ANKRD44: variants seen among roughly 807,000 people sequenced by gnomAD.
ANKRD44 encodes the protein serine/threonine-protein phosphatase 6 regulatory ankyrin repeat subunit B.
A neutral mutation model predicts 116.0 loss-of-function variants in ANKRD44; 35 were observed. That is an observed-to-expected ratio of 0.30 (90% CI 0.23 to 0.40). The LOEUF is 0.40. Ranked by LOEUF, ANKRD44 falls within the 10% of genes least tolerant of loss-of-function variation. The probability of loss-of-function intolerance (pLI) is 1.00; values close to 1 mark genes in which losing one functional copy is unlikely to be tolerated. For missense variants in ANKRD44, 1,014 were observed against 1,242.6 expected, an observed-to-expected ratio of 0.82 and a Z score of 2.77; for synonymous variants, 435 against 461.8, an observed-to-expected ratio of 0.94 and a Z score of 0.74.
intron 16 of ANKRD44, among the ~76,000 whole-genome samples, chr2:197,038,924 G>T (rs994039217): frequency 6.6e-6 from 1 of 152,104 alleles, no homozygotes; most frequent in Non-Finnish European, 1.5e-5. Context: ...GCAAAGAATT[G>T]CTGCAGAAGC....
At chr2:197,022,910 C>A (rs2076524191) in intron 17 of ANKRD44, among the ~76,000 whole-genome samples, 1 of 152,222 alleles carries the variant, frequency 6.6e-6, no homozygotes, top group Non-Finnish European at 1.5e-5. Flanking sequence ...TTCTCTGTAG[C>A]ACCTGCAGCA....
intron 16 of ANKRD44, chr2:197,029,496 G>A: frequency 2.1e-6 from 1 of 466,576 alleles, no homozygotes. Flanking sequence ...TTTATGCCTA[G>A]TGCCATATAA....
chr2:197,052,124 G>A (rs72924635), intron 16 of ANKRD44, among the ~76,000 whole-genome samples: 32 of 152,240 alleles, frequency 2.1e-4, no homozygotes, highest in Non-Finnish European at 3.4e-4. Context: ...TAGTCAACAT[G>A]GACCCACTGG....
intron 25 of ANKRD44, among the ~76,000 whole-genome samples, chr2:196,997,113 T>G (rs950702503): frequency 2.6e-5 from 4 of 151,962 alleles, no homozygotes; most frequent in African/African-American, 4.8e-5. Context: ...CACTCAGATT[T>G]TTGGATTTGG....
chr2:197,227,512 C>G (rs191936786), intron 1 of ANKRD44, among the ~76,000 whole-genome samples: 74 of 152,160 alleles, frequency 4.9e-4, no homozygotes, highest in Non-Finnish European at 3.8e-4. Flanking sequence ...CCTCAAGGGC[C>G]ATCTCCTTTG....
chr2:197,223,697 C>T (rs1196110372), intron 1 of ANKRD44, among the ~76,000 whole-genome samples: 1 of 152,178 alleles, frequency 6.6e-6, no homozygotes, highest in African/African-American at 2.4e-5. Context: ...GGGGTGTGCA[C>T]AGCTTCAACC....
chr2:196,984,018 C>T (rs1250124072), downstream of ANKRD44, among the ~76,000 whole-genome samples: 1 of 152,232 alleles, frequency 6.6e-6, no homozygotes, highest in Non-Finnish European at 1.5e-5. Context: ...CTCAGCATTG[C>T]CTTCCAAAGT....
At chr2:197,070,103 C>T (rs2077527209) in intron 16 of ANKRD44, among the ~76,000 whole-genome samples, 1 of 152,082 alleles carries the variant, frequency 6.6e-6, no homozygotes, top group East Asian at 1.9e-4. Flanking sequence ...TATCTTGTGA[C>T]CTTGATGAAC....
At chr2:197,234,165 T>A (rs1158851364) in intron 1 of ANKRD44, among the ~76,000 whole-genome samples, 3 of 152,142 alleles carry the variant, frequency 2.0e-5, no homozygotes, top group Non-Finnish European at 4.4e-5. Context: ...TTTCTGCAGA[T>A]TAACTGTATG....
At chr2:196,967,554 T>C (rs2075682878) in intron 21 of ANKRD44, 4 of 401,588 alleles carry the variant, frequency 1.0e-5, no homozygotes, top group South Asian at 5.1e-5. Context: ...TTTCTCAAAA[T>C]GGGGGATGGG....
intron 3 of ANKRD44, among the ~76,000 whole-genome samples, chr2:197,137,015 C>T (rs2079234858): frequency 6.6e-6 from 1 of 152,182 alleles, no homozygotes; most frequent in Admixed American, 6.5e-5. Flanking sequence ...CAGAAGAGTG[C>T]CCATGCTCAG....
downstream of ANKRD44, among the ~76,000 whole-genome samples, chr2:196,982,108 T>TTATATATATATATATATATATATATATA (rs58816698): frequency 1.1e-3 from 106 of 96,508 alleles, 2 homozygotes; most frequent in South Asian, 3.0e-3. Context: ...CTAAAAAAAA[T>TTATATATATATATATATATATATATATA]TATATATATA....
At chr2:197,124,207 GT>G (rs1648658635) in intron 6 of ANKRD44, among the ~76,000 whole-genome samples, 2 of 152,022 alleles carry the variant, frequency 1.3e-5, no homozygotes, top group South Asian at 4.2e-4. Context: ...TTAAGATTCT[GT>G]TTTTTTAAGC....
At chr2:197,092,482 A>G (rs969172809) in intron 10 of ANKRD44, among the ~76,000 whole-genome samples, 4 of 152,222 alleles carry the variant, frequency 2.6e-5, no homozygotes, top group African/African-American at 9.6e-5. Context: ...GGGTTTTGCA[A>G]AATTCAATTC....
At chr2:197,109,021 T>A (rs1420957852) in intron 9 of ANKRD44, among the ~76,000 whole-genome samples, 1 of 152,138 alleles carries the variant, frequency 6.6e-6, no homozygotes, top group Non-Finnish European at 1.5e-5. Context: ...AGGAGATGCG[T>A]CATAGAGATG....
intron 2 of ANKRD44, among the ~76,000 whole-genome samples, chr2:197,160,939 G>A (rs987892033): frequency 1.3e-5 from 2 of 152,156 alleles, no homozygotes; most frequent in African/African-American, 2.4e-5. Context: ...ATCAATAGAA[G>A]CCCCTTCTTA....
In ANKRD44 at chr2:197,201,774, C is replaced by T. The variant is rs1282418383; in HGVS notation, c.28-14668G>A. On this transcript the variant is annotated intron_variant, in intron 1 of 27. Coordinates refer to ENST00000282272, the MANE Select transcript of ANKRD44 (RefSeq NM_001195144.2). The surrounding 1 kb of genome is among the most constrained non-coding windows in gnomAD (Gnocchi z 4.0). Reference sequence around the variant, plus strand: ...GTTTGGGCTTCTAATGATCCCATCGCCCAAGTAGTGAACATAGTGCCCCAT... The same window carrying T: ...GTTTGGGCTTCTAATGATCCCATCGTCCAAGTAGTGAACATAGTGCCCCAT... Among the ~76,000 whole-genome samples, 2 of 152,190 alleles carry T rather than the reference C, an allele frequency of 1.3e-5. No individual in the cohort carries two copies. The highest frequency in any genetic ancestry group is 2.9e-5 in the Non-Finnish European group (2 of 68,038).
At chr2:197,233,154 C>A (rs1042801775) in intron 1 of ANKRD44, among the ~76,000 whole-genome samples, 2 of 152,140 alleles carry the variant, frequency 1.3e-5, no homozygotes, top group Non-Finnish European at 2.9e-5. Context: ...CAATTCTGAC[C>A]CTGTCACTTA....
chr2:196,995,272 ACCACTGTGCTCC>A, intron 26 of ANKRD44, 95 bp downstream of exon 26: 1 of 664,126 alleles, frequency 1.5e-6, no homozygotes, highest in Non-Finnish European at 2.4e-6. Context: ...TGCATCTTTC[ACCACTGTGCTCC>A]CCAGAGCTAG....
Sources: allele counts gnomAD v4.1 joint callset (sites outside exome capture counted in the v4.1 genomes callset), GRCh38; gene constraint gnomAD v4.1.1; non-coding constraint Gnocchi (gnomAD v3.1); transcripts MANE v1.5; gene names NCBI Gene and HGNC (gene_info 2026-07-23, HGNC 2026-07-21).